NRXN1: variants seen among roughly 807,000 people sequenced by gnomAD.
NRXN1 encodes neurexin-1.
In NRXN1, 39 loss-of-function variants were observed where a neutral mutation model predicts 150.9. The observed-to-expected ratio is 0.26, with a 90% confidence interval of 0.20 to 0.34. The LOEUF is 0.34. NRXN1 is among the 10% of genes least tolerant of loss of function. The pLI, the probability that NRXN1 is intolerant of heterozygous loss-of-function variation, is 1.00. For missense variants in NRXN1, 1,815 were observed against 1,949.9 expected (o/e 0.93, Z 1.30); for synonymous variants, 924 against 757.0 (o/e 1.22, Z -3.62).
At chr2:50,433,394 G>A (rs2085143083) in intron 17 of NRXN1, among the ~76,000 whole-genome samples, 1 of 152,070 alleles carries the variant, frequency 6.6e-6, no homozygotes, top group African/African-American at 2.4e-5. Context: ...TGTATGTTCT[G>A]TACTCAGCTA....
chr2:50,271,502 C>T (rs1403408388), intron 17 of NRXN1, among the ~76,000 whole-genome samples: 1 of 152,076 alleles, frequency 6.6e-6, no homozygotes, highest in Admixed American at 6.6e-5. Flanking sequence ...CTATTTTCTT[C>T]AGTCTTACTG....
At position 49,922,205 on chromosome 2, in the gene NRXN1, T is replaced by C; in HGVS notation, c.4263A>G (p.Ala1421=). 1.9e-6 allele frequency: 3 copies of C among 1,614,200 alleles called. No homozygotes were observed. Among genetic ancestry groups the C allele is most frequent in the Non-Finnish European group, 2.5e-6 (3 of 1,180,038 alleles). The part of the protein sequence containing the change: ...AGGREPYPGS[A]EVIRESSSTT... ...TGCTGCTGGACTCCCGGATCACTTC[T>C]GCTGAGCCTGGATACGGCTCTCTGC... The change falls in exon 23 of 23, where the codon GCA becomes GCG. Residue 1421 remains alanine, a synonymous_variant. Coordinates refer to ENST00000401669, the MANE Select transcript of NRXN1 (RefSeq NM_001330078.2).
chr2:50,551,113 AG>A (rs1226163467), intron 9 of NRXN1, among the ~76,000 whole-genome samples: 10 of 30,582 alleles, frequency 3.3e-4, no homozygotes, highest in Non-Finnish European at 6.9e-4. Context: ...AGGGAGGGGG[AG>A]GGGGAGGGGG....
intron 18 of NRXN1, among the ~76,000 whole-genome samples, chr2:50,210,443 G>A (rs1485978157): frequency 1.3e-5 from 2 of 151,694 alleles, no homozygotes; most frequent in Non-Finnish European, 2.9e-5. Flanking sequence ...GTATTAATTA[G>A]AAGTGTTTTA....
intron 18 of NRXN1, among the ~76,000 whole-genome samples, chr2:50,191,052 G>A (rs566520094): frequency 1.5e-4 from 22 of 151,530 alleles, no homozygotes; most frequent in African/African-American, 4.8e-4. Context: ...TCTTTGAGAC[G>A]GAGTCTCACT....
intron 2 of NRXN1, among the ~76,000 whole-genome samples, chr2:50,962,760 G>C (rs1187990656): frequency 2.0e-5 from 3 of 151,614 alleles, no homozygotes; most frequent in Non-Finnish European, 3.0e-5. Flanking sequence ...AAGAAATCAA[G>C]TTGACCAGTT....
In NRXN1 at chr2:50,177,808, T is replaced by TC. The variant is rs980732113; in HGVS notation, c.3546+58980dup. Among the ~76,000 whole-genome samples the TC allele has an allele frequency of 7.0e-5, 8 of 114,862 alleles. No individual in the cohort carries two copies. In the East Asian group the frequency reaches 2.2e-3, roughly 32 times the overall value. 75.4% of individuals were successfully genotyped at this position (114,862 alleles called of 152,430 possible). On this transcript the variant is annotated intron_variant, in intron 18 of 22. Coordinates refer to ENST00000401669, the MANE Select transcript of NRXN1 (RefSeq NM_001330078.2). ...CTCTCTCTCTCTCTCTCTCTCTCTC[T>TC]CTCCTCCTCTCCCTCCCTCCCTCCC...
chr2:50,937,458 C>T (rs1466954936), intron 2 of NRXN1, among the ~76,000 whole-genome samples: 3 of 151,990 alleles, frequency 2.0e-5, no homozygotes, highest in South Asian at 2.1e-4. Context: ...ATTTACTTGC[C>T]GCAGTGAGCT....
intron 14 of NRXN1, 39 bp downstream of exon 14, chr2:50,497,294 A>C (rs2091690047): frequency 7.0e-7 from 1 of 1,419,254 alleles, no homozygotes; most frequent in East Asian, 2.4e-5. Context: ...CATTTTTCCA[A>C]AGTTTTATTT....
At chr2:51,002,274 T>C (rs1270193182) in intron 2 of NRXN1, among the ~76,000 whole-genome samples, 1 of 151,972 alleles carries the variant, frequency 6.6e-6, no homozygotes, top group Non-Finnish European at 1.5e-5. Context: ...CCTATAAAGA[T>C]ATTTCCTAAG....
intron 5 of NRXN1, among the ~76,000 whole-genome samples, chr2:50,893,767 A>G (rs547049875): frequency 6.6e-6 from 1 of 152,212 alleles, no homozygotes; most frequent in African/African-American, 2.4e-5. Flanking sequence ...TTCTGGTACT[A>G]TAGTTATCCT....
At chr2:50,522,066 G>T (rs1393524152) in intron 12 of NRXN1, among the ~76,000 whole-genome samples, 1 of 152,110 alleles carries the variant, frequency 6.6e-6, no homozygotes, top group Non-Finnish European at 1.5e-5. Flanking sequence ...AAGGAGGGAG[G>T]AAGGCAGAGA....
chr2:51,021,503 A>T (rs1367396582), intron 2 of NRXN1, among the ~76,000 whole-genome samples: 1 of 151,922 alleles, frequency 6.6e-6, no homozygotes, highest in African/African-American at 2.4e-5. Context: ...AATCAATTTA[A>T]TTCACATTTA....
intron 18 of NRXN1, among the ~76,000 whole-genome samples, chr2:50,189,825 T>G (rs1293827738): frequency 6.6e-6 from 1 of 152,166 alleles, no homozygotes; most frequent in Non-Finnish European, 1.5e-5. Context: ...TTGAATTAGT[T>G]TATCAATAGA....
At chr2:50,437,705 C>T (rs1179278395) in intron 17 of NRXN1, among the ~76,000 whole-genome samples, 2 of 135,222 alleles carry the variant, frequency 1.5e-5, no homozygotes, top group Non-Finnish European at 3.0e-5. Context: ...GTTCTGGATG[C>T]ATTTGTGTGT....
At chr2:50,773,055 T>A (rs1340110524) in intron 5 of NRXN1, among the ~76,000 whole-genome samples, 1 of 152,170 alleles carries the variant, frequency 6.6e-6, no homozygotes, top group Non-Finnish European at 1.5e-5. Flanking sequence ...AACTATTAGA[T>A]CCCAGTAACA....
intron 17 of NRXN1, among the ~76,000 whole-genome samples, chr2:50,422,851 AC>A: frequency 6.6e-6 from 1 of 152,306 alleles, no homozygotes; most frequent in East Asian, 1.9e-4. Context: ...TAGACATCAA[AC>A]ACATGCAAAA....
At chr2:50,038,920 C>T (rs1690483953) in intron 21 of NRXN1, among the ~76,000 whole-genome samples, 1 of 152,164 alleles carries the variant, frequency 6.6e-6, no homozygotes, top group Non-Finnish European at 1.5e-5. Flanking sequence ...TGGATCATGC[C>T]TGTAATCCCA....
At position 50,346,556 on chromosome 2, in the gene NRXN1, C is replaced by A. The variant is rs2077989763; in HGVS notation, c.3365-109586G>T. The stretch of plus-strand genomic sequence containing the variant: ...TGTCTTCAAAGAGATAAGTGGCTCG[C>A]ACCAAGCACACCCAAATGCACCTCC... On this transcript the variant is annotated intron_variant, in intron 17 of 22. Transcript: ENST00000401669. This position sits in a 1 kb window ranked among gnomAD's most constrained non-coding sequence, Gnocchi z 5.0. 2.2e-6 allele frequency: 2 copies of A among 927,874 alleles called. No homozygotes were observed. Among genetic ancestry groups the A allele is most frequent in the Admixed American group, 2.0e-5 (1 of 50,510 alleles). The allele number at this position is 927,874 out of a possible 1,614,324, so 57.5% of individuals were successfully genotyped here.
Sources: allele counts gnomAD v4.1 joint callset (sites outside exome capture counted in the v4.1 genomes callset), GRCh38; gene constraint gnomAD v4.1.1; non-coding constraint Gnocchi (gnomAD v3.1); transcripts MANE v1.5; gene names NCBI Gene and HGNC (gene_info 2026-07-23, HGNC 2026-07-21).